Variants in MAGI1 observed in about 807,000 individuals in gnomAD.
MAGI1 encodes the protein membrane-associated guanylate kinase, WW and PDZ domain-containing protein 1.
Under a neutral mutation model 139.9 loss-of-function variants are expected in MAGI1, and 58 were observed. The observed-to-expected ratio is 0.41, with a 90% CI of 0.34 to 0.52. The LOEUF is 0.52. Among genes scored for constraint, MAGI1 ranks in the 20% least tolerant of loss-of-function variants. The probability of loss-of-function intolerance (pLI) is 0.12; values close to 1 mark genes in which losing one functional copy is unlikely to be tolerated. For synonymous variants in MAGI1, 812 were observed against 737.9 expected, an observed-to-expected ratio of 1.10 and a Z score of -1.63; for missense variants, 1,874 against 1,901.6, an observed-to-expected ratio of 0.99 and a Z score of 0.27.
intron 1 of MAGI1, among the ~76,000 whole-genome samples, chr3:65,650,585 C>T (rs1350949876): frequency 6.6e-6 from 1 of 152,230 alleles, no homozygotes; most frequent in Non-Finnish European, 1.5e-5. Context: ...GAGCACATCC[C>T]TGTGTTAACA....
intron 1 of MAGI1, among the ~76,000 whole-genome samples, chr3:65,834,289 T>C (rs1195525162): frequency 6.6e-5 from 10 of 152,198 alleles, no homozygotes; most frequent in Non-Finnish European, 1.5e-5. Flanking sequence ...GAATGAATCA[T>C]CCAGGAGAAA....
intron 1 of MAGI1, among the ~76,000 whole-genome samples, chr3:65,794,045 T>C (rs2039963660): frequency 6.6e-6 from 1 of 152,198 alleles, no homozygotes; most frequent in Non-Finnish European, 1.5e-5. Context: ...TGTGATTTAT[T>C]GCGCTACCAC....
intron 5 of MAGI1, among the ~76,000 whole-genome samples, chr3:65,458,167 A>G (rs1250849658): frequency 6.6e-6 from 1 of 152,056 alleles, no homozygotes; most frequent in Non-Finnish European, 1.5e-5. Flanking sequence ...TTCATTGGGT[A>G]TATGGACTCC....
rs537778180 is a variant in MAGI1, at chr3:65,526,153, T to C, written c.431-32522A>G. ...TATTTATTGTGCTTTTCCACTCCAGTGGCGGCAGGGTGGGATATATGCTTG... is the reference window on the plus strand; with the variant it reads ...TATTTATTGTGCTTTTCCACTCCAGCGGCGGCAGGGTGGGATATATGCTTG... On this transcript the variant is annotated intron_variant, in intron 2 of 22. Transcript: ENST00000402939. Among the ~76,000 whole-genome samples, 3 of 152,330 alleles carry C rather than the reference T, an allele frequency of 2.0e-5. 1 individual carries two copies. In the South Asian group the frequency reaches 6.2e-4, roughly 32 times the overall value.
At chr3:65,406,312 G>A (rs761469338) in intron 12 of MAGI1, among the ~76,000 whole-genome samples, 1 of 151,772 alleles carries the variant, frequency 6.6e-6, no homozygotes, top group Non-Finnish European at 1.5e-5. Context: ...CAAAACCTGA[G>A]TTGCTGGGAA....
chr3:65,625,323 G>A (rs1268120103), intron 1 of MAGI1, among the ~76,000 whole-genome samples: 2 of 152,110 alleles, frequency 1.3e-5, no homozygotes, highest in East Asian at 3.9e-4. Context: ...TACAGTGATT[G>A]GATGATTGGA....
At chr3:65,507,899 T>TTC (rs1176390536) in intron 2 of MAGI1, among the ~76,000 whole-genome samples, 1 of 151,994 alleles carries the variant, frequency 6.6e-6, no homozygotes, top group East Asian at 1.9e-4. Context: ...AGAGGTGATT[T>TTC]TTTTTTTAAC....
rs112713743 is a variant in MAGI1, at chr3:65,382,245, A to C, written c.2509-176T>G. 5.1e-3 allele frequency among the ~76,000 whole-genome samples: 783 copies of C among 152,310 alleles called. 2 individuals carry two copies. The highest frequency in any genetic ancestry group is 8.2e-3 in the Non-Finnish European group (559 of 68,022). On this transcript the variant is annotated intron_variant, in intron 15 of 22. Coordinates refer to ENST00000402939, the MANE Select transcript of MAGI1 (RefSeq NM_001033057.2). ...TGCTAAGCACTGCAACAATTCTTAA[A>C]TGGTGGAAAGAGTATTTCTTGCTTA...
chr3:65,880,605 T>C (rs1378935445), intron 1 of MAGI1, among the ~76,000 whole-genome samples: 3 of 151,970 alleles, frequency 2.0e-5, no homozygotes, highest in African/African-American at 7.3e-5. Flanking sequence ...GCATATGAAA[T>C]GGCCATGTCA....
chr3:65,809,455 G>A (rs540556102), intron 1 of MAGI1, among the ~76,000 whole-genome samples: 123 of 152,296 alleles, frequency 8.1e-4, no homozygotes, highest in African/African-American at 2.7e-3. Context: ...GCTTACCCAA[G>A]TCAGAGGACT....
intron 1 of MAGI1, among the ~76,000 whole-genome samples, chr3:65,795,073 G>A (rs1306671332): frequency 1.3e-5 from 2 of 152,138 alleles, no homozygotes; most frequent in African/African-American, 4.8e-5. Context: ...TGAGGTCACG[G>A]AAAACAGTTT....
intron 12 of MAGI1, among the ~76,000 whole-genome samples, chr3:65,426,016 T>C (rs1575701440): frequency 1.3e-5 from 2 of 152,112 alleles, no homozygotes; most frequent in African/African-American, 4.8e-5. Flanking sequence ...ATGTTCAAAA[T>C]AGAAGGGTAA....
intron 1 of MAGI1, among the ~76,000 whole-genome samples, chr3:66,016,796 T>C (rs2067665802): frequency 6.6e-6 from 1 of 152,186 alleles, no homozygotes; most frequent in Non-Finnish European, 1.5e-5. Context: ...ACATACACAA[T>C]GGAATATTAT....
At chr3:65,903,234 T>A (rs1300824306) in intron 1 of MAGI1, among the ~76,000 whole-genome samples, 2 of 152,044 alleles carry the variant, frequency 1.3e-5, no homozygotes, top group African/African-American at 4.8e-5. Flanking sequence ...GCTCAAACGA[T>A]CCTCCCACCT....
At position 65,676,133 on chromosome 3, in the gene MAGI1, A is replaced by G. The variant is rs541147314; in HGVS notation, c.314-54045T>C. Reference sequence around the variant, plus strand: ...CATTATGTTTAACAGTAAATTTTGGAAAAACCCAAATATACATCTATATGG... The same window carrying G: ...CATTATGTTTAACAGTAAATTTTGGGAAAACCCAAATATACATCTATATGG... On this transcript the variant is annotated intron_variant, in intron 1 of 22. Transcript: ENST00000402939. 2.6e-5 allele frequency among the ~76,000 whole-genome samples: 4 copies of G among 152,344 alleles called. No individual in the cohort carries two copies. In the South Asian group the frequency reaches 8.3e-4, roughly 32 times the overall value.
intron 1 of MAGI1, among the ~76,000 whole-genome samples, chr3:66,003,502 G>C (rs1034108326): frequency 6.6e-6 from 1 of 152,104 alleles, no homozygotes; most frequent in Non-Finnish European, 1.5e-5. Flanking sequence ...CTGTTGCCCA[G>C]ACTGGAATGC....
At chr3:65,921,919 GACACACACAC>G (rs35532734) in intron 1 of MAGI1, among the ~76,000 whole-genome samples, 59 of 140,838 alleles carry the variant, frequency 4.2e-4, no homozygotes, top group African/African-American at 1.5e-3. Context: ...CCACACACAC[GACACACACAC>G]ACACACACAC....
chr3:65,594,429 G>A (rs572512983), intron 2 of MAGI1, among the ~76,000 whole-genome samples: 1 of 152,356 alleles, frequency 6.6e-6, no homozygotes, highest in East Asian at 1.9e-4. Flanking sequence ...GGAAGCAAAG[G>A]AAGGCAGCAT....
At chr3:65,540,072 A>G (rs1227207485) in intron 2 of MAGI1, among the ~76,000 whole-genome samples, 5 of 152,208 alleles carry the variant, frequency 3.3e-5, no homozygotes, top group Non-Finnish European at 7.3e-5. Flanking sequence ...ATTAAACAAC[A>G]TATGGAAAGT....
Sources: gnomAD v4.1 joint callset for allele counts (sites outside exome capture counted in the v4.1 genomes callset) on GRCh38, gnomAD v4.1.1 for gene constraint, MANE v1.5 for transcripts, NCBI Gene and HGNC (gene_info 2026-07-23, HGNC 2026-07-21) for gene names.